The following NPAS2 variants were observed in gnomAD, a reference collection of about 807,000 sequenced individuals.
The protein encoded by NPAS2 is neuronal PAS domain protein 2.
Under a neutral mutation model 107.5 loss-of-function variants are expected in NPAS2, and 23 were observed. The ratio of observed to expected loss-of-function variants is 0.21; its 90% CI spans 0.15 to 0.30. The LOEUF (loss-of-function observed/expected upper bound fraction) is 0.30, where lower values mean the gene tolerates loss of function less well. Ranked by LOEUF, NPAS2 falls within the 10% of genes least tolerant of loss-of-function variation. The pLI is 1.00. For missense variants in NPAS2, 756 were observed against 1,043.3 expected, an observed-to-expected ratio of 0.72 and a Z score of 3.79; for synonymous variants, 403 against 417.5, an observed-to-expected ratio of 0.97 and a Z score of 0.42.
Position 100,965,783 on chromosome 2 carries a change from AGCCCAGGCATGGGG to A in NPAS2, c.907+21_907+34del, listed in dbSNP as rs3841571. On this transcript the variant is annotated intron_variant, in intron 10 of 20. Transcript: ENST00000335681. This position sits in a 1 kb window ranked among gnomAD's most constrained non-coding sequence, Gnocchi z 4.3. ...ACCAGCACCGTGAGTACCACTGCCC[AGCCCAGGCATGGGG>A]GCCTTGCGTTCACTCCACTGGGGCC... 204,521 of 1,560,214 alleles carry A rather than the reference AGCCCAGGCATGGGG, an allele frequency of 0.13. 22,065 individuals are homozygous for A. Among genetic ancestry groups the A allele is most frequent in the East Asian group, 0.47 (21,058 of 44,432 alleles).
chr2:100,929,404 T>C (rs1190050601), intron 3 of NPAS2, among the ~76,000 whole-genome samples: 2 of 152,214 alleles, frequency 1.3e-5, no homozygotes, highest in Admixed American at 6.5e-5. Flanking sequence ...ATATCACAGC[T>C]GCACTCCAGC....
chr2:100,979,165 G>C (rs1303551078), intron 15 of NPAS2, among the ~76,000 whole-genome samples: 1 of 152,034 alleles, frequency 6.6e-6, no homozygotes, highest in East Asian at 1.9e-4. Context: ...AGTCAGGCTT[G>C]AAGATTGGTG....
intron 4 of NPAS2, among the ~76,000 whole-genome samples, chr2:100,935,564 A>G (rs757002558): frequency 1.3e-5 from 2 of 152,196 alleles, no homozygotes; most frequent in African/African-American, 4.8e-5. Flanking sequence ...GGAAATGCCA[A>G]TGAGCTGATG....
Position 100,870,478 on chromosome 2 carries a change from C to T in NPAS2, c.-22-34255C>T, listed in dbSNP as rs1319126671. ...TGGCACGATCTTGGCTCACTGCAAC[C>T]TCTGCTTCCCAGGCTCAAGTGATCC... On this transcript the variant is annotated intron_variant, in intron 1 of 20. Transcript: ENST00000335681. 3.9e-5 allele frequency among the ~76,000 whole-genome samples: 6 copies of T among 152,244 alleles called. No individual in the cohort carries two copies. In the East Asian group the frequency reaches 1.2e-3, roughly 29 times the overall value.
intron 7 of NPAS2, among the ~76,000 whole-genome samples, chr2:100,962,291 C>A (rs1157672522): frequency 6.6e-6 from 1 of 152,054 alleles, no homozygotes; most frequent in East Asian, 1.9e-4. Context: ...ATTATAGAAT[C>A]TTTTAGAAAC....
chr2:100,927,281 C>G (rs868720020), intron 3 of NPAS2, among the ~76,000 whole-genome samples: 2 of 152,088 alleles, frequency 1.3e-5, no homozygotes, highest in Non-Finnish European at 2.9e-5. Context: ...GATATTTGAT[C>G]CATTTTGTGT....
chr2:100,917,623 C>A (rs1682970147), intron 2 of NPAS2, among the ~76,000 whole-genome samples: 1 of 152,064 alleles, frequency 6.6e-6, no homozygotes, highest in Non-Finnish European at 1.5e-5. Context: ...AATAAGAAGG[C>A]CTATCATTAG....
At chr2:100,975,299 G>C in intron 13 of NPAS2, 159 bp from the exon 14 acceptor site, 1 of 689,650 alleles carries the variant, frequency 1.5e-6, no homozygotes, top group Non-Finnish European at 2.5e-6. Flanking sequence ...TCCCAGGCTG[G>C]GCTTCTGTGG....
At chr2:100,938,192 G>A (rs982399955) in intron 5 of NPAS2, among the ~76,000 whole-genome samples, 1 of 152,214 alleles carries the variant, frequency 6.6e-6, no homozygotes, top group African/African-American at 2.4e-5. Context: ...GACATCCAGG[G>A]TCACCTGACA....
intron 1 of NPAS2, among the ~76,000 whole-genome samples, chr2:100,827,672 G>T (rs1676470537): frequency 6.6e-6 from 1 of 152,180 alleles, no homozygotes; most frequent in South Asian, 2.1e-4. Flanking sequence ...ATTCACTTAG[G>T]ATAATGGCCT....
rs376112056 is a variant in NPAS2, at chr2:100,971,101, C to T, written c.1140+27C>T. 90 of 1,602,066 alleles carry T rather than the reference C, an allele frequency of 5.6e-5. No individual in the cohort carries two copies. In the Admixed American group the frequency reaches 7.6e-4, roughly 14 times the overall value. ...TACGCCCATCCCTGCCAGATGGATA[C>T]GGCAAAGGTTGGCTAGGAAGAAAAT... On this transcript the variant is annotated intron_variant, in intron 12 of 20. Transcript: ENST00000335681.
rs542448711 is a variant in NPAS2, at chr2:100,842,151, C to G, written c.-23+21737C>G. On this transcript the variant is annotated intron_variant, in intron 1 of 20. Transcript: ENST00000335681. The stretch of plus-strand genomic sequence containing the variant: ...CCAGGAAGACTGCAGCACTGTCTTC[C>G]TAGGTATTTACATGTCCAAAGGGAT... Among the ~76,000 whole-genome samples, 9 of 152,056 alleles carry G rather than the reference C, an allele frequency of 5.9e-5. No individual in the cohort carries two copies. The East Asian group carries it at 1.7e-3, about 29-fold the overall frequency.
chr2:100,959,628 G>A (rs542594133), intron 7 of NPAS2, among the ~76,000 whole-genome samples: 4 of 152,342 alleles, frequency 2.6e-5, no homozygotes, highest in Non-Finnish European at 5.9e-5. Context: ...TGTTTTGGAT[G>A]TTTATCACGA....
At chr2:100,956,374 C>G (rs931397202) in intron 7 of NPAS2, among the ~76,000 whole-genome samples, 1 of 152,162 alleles carries the variant, frequency 6.6e-6, no homozygotes, top group Admixed American at 6.5e-5. Context: ...CTCCCTCCAG[C>G]CTCCAGCAGC....
Position 100,964,261 on chromosome 2 carries a change from G to A in NPAS2, c.717+85G>A, listed in dbSNP as rs868408396. 43 of 945,884 alleles carry A rather than the reference G, an allele frequency of 4.5e-5. No homozygotes were observed. In the Middle Eastern group the frequency reaches 4.3e-3, roughly 94 times the overall value. The allele number at this position is 945,884 out of a possible 1,614,324, so 58.6% of individuals were successfully genotyped here. A position where few individuals can be genotyped will look rare whatever the true frequency, so the allele number is the denominator to read the frequency against. ...ATATGTAATTAATGGTCTTTTGGGA[G>A]GGAATAAATTGCAGTGAAGTTGTCA... is the stretch of plus-strand genomic sequence containing the variant. On this transcript the variant is annotated intron_variant, in intron 8 of 20. Coordinates refer to ENST00000335681, the MANE Select transcript of NPAS2 (RefSeq NM_002518.4).
chr2:100,843,105 G>A (rs1041633969), intron 1 of NPAS2, among the ~76,000 whole-genome samples: 4 of 151,978 alleles, frequency 2.6e-5, no homozygotes, highest in African/African-American at 9.7e-5. Context: ...TGTAGTCCCA[G>A]CTACTCGGGA....
At chr2:100,979,250 A>T (rs1037365227) in intron 15 of NPAS2, among the ~76,000 whole-genome samples, 14 of 152,128 alleles carry the variant, frequency 9.2e-5, no homozygotes, top group Admixed American at 5.2e-4. Flanking sequence ...AAGAAAAAAA[A>T]ACCTGAATAC....
At chr2:100,913,266 G>A (rs988378766) in intron 2 of NPAS2, among the ~76,000 whole-genome samples, 1 of 152,156 alleles carries the variant, frequency 6.6e-6, no homozygotes, top group Non-Finnish European at 1.5e-5. Context: ...TGGCAGCAAG[G>A]GAGCCTGCTA....
chr2:100,962,543 G>A (rs1371619556), intron 7 of NPAS2, among the ~76,000 whole-genome samples: 1 of 152,184 alleles, frequency 6.6e-6, no homozygotes, highest in East Asian at 1.9e-4. Context: ...CCTTTGAGAA[G>A]GCCAGTGCCT....
Sources: allele counts gnomAD v4.1 joint callset (sites outside exome capture counted in the v4.1 genomes callset), GRCh38; gene constraint gnomAD v4.1.1; non-coding constraint Gnocchi (gnomAD v3.1); transcripts MANE v1.5; gene names NCBI Gene and HGNC (gene_info 2026-07-23, HGNC 2026-07-21).